SELP: variants seen among roughly 807,000 people sequenced by gnomAD.
The protein encoded by SELP is P-selectin.
A neutral mutation model predicts 104.1 loss-of-function variants in SELP; 92 were observed. The observed-to-expected ratio is 0.88, with a 90% confidence interval of 0.75 to 1.05. The LOEUF is 1.05. SELP is among the 50% of genes least tolerant of loss of function. SELP has a pLI of 0.00. For missense variants in SELP, 1,022 were observed against 1,017.3 expected (o/e 1.00, Z -0.06); for synonymous variants, 397 against 364.5 (o/e 1.09, Z -1.01).
At chr1:169,619,404 C>A (rs970878508) in intron 1 of SELP, among the ~76,000 whole-genome samples, 185 bp from the exon 2 acceptor site, 3 of 152,220 alleles carry the variant, frequency 2.0e-5, no homozygotes. Context: ...CCTGGATGGA[C>A]ACTGTAGCAA....
At chr1:169,598,450 A>G (rs189935040) in intron 10 of SELP, among the ~76,000 whole-genome samples, 122 of 152,326 alleles carry the variant, frequency 8.0e-4, no homozygotes, top group African/African-American at 2.8e-3. Context: ...TTCAGTAACA[A>G]GCTATTCATT....
chr1:169,608,530 A>T (rs981433983), intron 8 of SELP, among the ~76,000 whole-genome samples: 3 of 152,178 alleles, frequency 2.0e-5, no homozygotes, highest in Admixed American at 6.5e-5. Flanking sequence ...TTTGTAGCAG[A>T]GGTCAGAATT....
chr1:169,594,685 A>G lies in SELP; in HGVS notation c.2287+7T>C. The G allele has an allele frequency of 6.2e-7, 1 of 1,611,530 alleles. No individual in the cohort carries two copies. The highest frequency in any genetic ancestry group is 8.5e-7 in the Non-Finnish European group (1 of 1,178,384). On this transcript the variant is annotated splice_region_variant and intron_variant, in intron 13 of 16. Coordinates refer to ENST00000263686, the MANE Select transcript of SELP (RefSeq NM_003005.4). ...AAGTGACTTCTTAACCCACATGAAAATTGTACCTTGGCAGGTTGGCACGGT... is the reference window on the plus strand; with the variant it reads ...AAGTGACTTCTTAACCCACATGAAAGTTGTACCTTGGCAGGTTGGCACGGT...
chr1:169,609,444 A>G (rs1662377639), intron 8 of SELP, 60 bp downstream of exon 8: 2 of 1,495,444 alleles, frequency 1.3e-6, no homozygotes, highest in Non-Finnish European at 1.8e-6. Flanking sequence ...TGCTCAGTGC[A>G]GATGCTGATG....
intron 2 of SELP, among the ~76,000 whole-genome samples, chr1:169,617,873 A>G (rs965698600): frequency 2.6e-5 from 4 of 152,168 alleles, no homozygotes; most frequent in Non-Finnish European, 5.9e-5. Context: ...TGCCCACTGT[A>G]TGTACTTTCT....
intron 1 of SELP, among the ~76,000 whole-genome samples, chr1:169,620,379 C>CTT (rs10603647): frequency 0.035 from 4,598 of 130,138 alleles, 140 homozygotes; most frequent in African/African-American, 0.09. Flanking sequence ...TTCCACTGTA[C>CTT]TTTTTTTTTT....
In SELP at chr1:169,597,086, T is replaced by C. The variant is rs1421548616; in HGVS notation, c.1796A>G (p.His599Arg). Reference protein sequence around the residue: ...RGEFNVGSTCHFSCDNGFKLE... With the variant: ...RGEFNVGSTCRFSCDNGFKLE... ...CTTAAAGCCGTTGTCACAAGAGAAA[T>C]GGCAGGTGGAGCCAACATTGAATTC... The change falls in exon 11 of 17, where the codon CAT becomes CGT. Residue 599 changes from histidine (H) to arginine (R), a missense_variant. His to Arg is a conservative substitution (Grantham distance 29). Coordinates refer to ENST00000263686, the MANE Select transcript of SELP (RefSeq NM_003005.4). 2 of 1,613,218 alleles carry C rather than the reference T, an allele frequency of 1.2e-6. No homozygotes were observed. Among genetic ancestry groups the C allele is most frequent in the Non-Finnish European group, 1.7e-6 (2 of 1,179,636 alleles).
At position 169,610,297 on chromosome 1, in the gene SELP, A is replaced by G. The variant is rs3917738; in HGVS notation, c.1148-608T>C. Among the ~76,000 whole-genome samples, 422 of 152,248 alleles carry G rather than the reference A, an allele frequency of 2.8e-3. 4 individuals are homozygous for G. Among genetic ancestry groups the G allele is most frequent in the African/African-American group, 9.5e-3 (395 of 41,532 alleles). On this transcript the variant is annotated intron_variant, in intron 7 of 16. Transcript: ENST00000263686. ...CAGGATGTCATCCTAATCAGACTTC[A>G]GTTGCCAAGTGAGTGCAGCCAAAGT...
chr1:169,617,145 G>A lies in SELP; in HGVS notation c.364C>T (p.Pro122Ser). 1.2e-6 allele frequency: 2 copies of A among 1,613,922 alleles called. No individual in the cohort carries two copies. Among genetic ancestry groups the A allele is most frequent in the Non-Finnish European group, 1.7e-6 (2 of 1,179,990 alleles). ...NEAENWADNEPNNKRNNEDCV... is the reference protein window; with the variant it reads ...NEAENWADNESNNKRNNEDCV... ...TCCTCGTTGTTCCTTTTGTTGTTAG[G>A]TTCATTATCAGCCCAGTTCTCAGCC... Residue 122 changes from proline (P) to serine (S), a missense_variant, in exon 3 of 17, where the codon CCT (proline) becomes TCT (serine). By Grantham distance (74) the Pro-to-Ser change is moderately conservative (BLOSUM62 -1). Transcript: ENST00000263686.
At chr1:169,608,509 G>T (rs1448813063) in intron 8 of SELP, among the ~76,000 whole-genome samples, 1 of 152,024 alleles carries the variant, frequency 6.6e-6, no homozygotes, top group Non-Finnish European at 1.5e-5. Flanking sequence ...TGTCTTCAAG[G>T]TTCATTCATG....
At chr1:169,600,055 T>C (rs1004043100) in intron 10 of SELP, among the ~76,000 whole-genome samples, 3 of 152,158 alleles carry the variant, frequency 2.0e-5, no homozygotes, top group Admixed American at 6.5e-5. Flanking sequence ...CACTCCATCA[T>C]GCAGGTGGCA....
At chr1:169,607,222 A>G (rs970818331) in intron 8 of SELP, 88 bp from the exon 9 acceptor site, 1 of 1,117,030 alleles carries the variant, frequency 9.0e-7, no homozygotes, top group African/African-American at 1.6e-5. Flanking sequence ...AGTGTCAAGA[A>G]CAGGGATTCC....
chr1:169,596,286 G>A (rs1661607411), intron 11 of SELP, 152 bp from the exon 12 acceptor site: 1 of 676,398 alleles, frequency 1.5e-6, no homozygotes, highest in Non-Finnish European at 2.5e-6. Context: ...AAAACTATCA[G>A]TGTCAGAGAT....
Position 169,629,901 on chromosome 1 carries a change from G to T in SELP, c.3+171C>A, listed in dbSNP as rs372146488. 8.5e-5 allele frequency among the ~76,000 whole-genome samples: 13 copies of T among 152,326 alleles called. No individual in the cohort carries two copies. In the East Asian group the frequency reaches 1.7e-3, roughly 20 times the overall value. On this transcript the variant is annotated intron_variant, in intron 1 of 16. Transcript: ENST00000263686. The stretch of plus-strand genomic sequence containing the variant: ...CTCAACTCACAAGGGTGTTGGGAGG[G>T]TCAAAGTGGACAGCAAGTTTAAAAG...
intron 1 of SELP, among the ~76,000 whole-genome samples, chr1:169,625,158 A>G (rs1288333979): frequency 6.6e-6 from 1 of 152,130 alleles, no homozygotes; most frequent in African/African-American, 2.4e-5. Context: ...CATTGCTGAC[A>G]TCCTCATTAC....
rs1662233757 is a variant in SELP, at chr1:169,606,956, T to C, written c.1512A>G (p.Glu504=). Reference sequence around the variant, plus strand: ...GAAAGAATACACTCTTACCTTGGCATTCTGGAGGAACAGAATTCCAGTTTC... The same window carrying C: ...GAAAGAATACACTCTTACCTTGGCACTCTGGAGGAACAGAATTCCAGTTTC... ...ATGNWNSVPP[E]CQAIPCTPLL... The change falls in exon 9 of 17, where the codon GAA becomes GAG. Residue 504 remains glutamate, a synonymous_variant. Transcript: ENST00000263686. 1 of 1,612,988 alleles carries C rather than the reference T, an allele frequency of 6.2e-7. No homozygotes were observed. Among genetic ancestry groups the C allele is most frequent in the East Asian group, 2.2e-5 (1 of 44,830 alleles).
intron 7 of SELP, among the ~76,000 whole-genome samples, chr1:169,610,132 A>AAT (rs1402454511): frequency 1.9e-4 from 29 of 152,130 alleles, no homozygotes; most frequent in Non-Finnish European, 2.6e-4. Context: ...ATTATCTGTG[A>AAT]AATTGAACCT....
At chr1:169,612,089 G>A in intron 6 of SELP, 128 bp downstream of exon 6, 1 of 875,770 alleles carries the variant, frequency 1.1e-6, no homozygotes, top group South Asian at 1.9e-5. Flanking sequence ...TAGCTGAATG[G>A]CAGGTAGGAA....
chr1:169,622,287 G>A (rs919459049), intron 1 of SELP, among the ~76,000 whole-genome samples: 5 of 152,162 alleles, frequency 3.3e-5, no homozygotes, highest in Non-Finnish European at 5.9e-5. Context: ...GGGAGCACCC[G>A]ATTAAGTTGT....
Sources: allele counts gnomAD v4.1 joint callset (sites outside exome capture counted in the v4.1 genomes callset), GRCh38; gene constraint gnomAD v4.1.1; transcripts MANE v1.5; gene names NCBI Gene and HGNC (gene_info 2026-07-23, HGNC 2026-07-21).